The following KATNAL2 variants were observed in gnomAD, a reference collection of about 807,000 sequenced individuals.
KATNAL2 encodes katanin catalytic subunit A1 like 2.
Under a neutral mutation model 76.3 loss-of-function variants are expected in KATNAL2, and 52 were observed. The observed-to-expected ratio is 0.68, with a 90% confidence interval of 0.55 to 0.86. The LOEUF is 0.86. KATNAL2 is among the 40% of genes least tolerant of loss of function. The pLI is 0.00. For synonymous variants in KATNAL2, 243 were observed against 244.2 expected, an observed-to-expected ratio of 1.00 and a Z score of 0.05; for missense variants, 660 against 668.9, an observed-to-expected ratio of 0.99 and a Z score of 0.15.
At chr18:47,084,477 G>C in intron 15 of KATNAL2, 1 of 694,372 alleles carries the variant, frequency 1.4e-6, no homozygotes, top group African/African-American at 1.7e-5. Flanking sequence ...GAGATCTAGT[G>C]GCCTGGTATG....
At chr18:47,081,777 T>C (rs1249803197) in intron 15 of KATNAL2, among the ~76,000 whole-genome samples, 4 of 152,240 alleles carry the variant, frequency 2.6e-5, no homozygotes, top group Non-Finnish European at 5.9e-5. Context: ...AGCTCCATTT[T>C]GTACATTTTG....
intron 15 of KATNAL2, among the ~76,000 whole-genome samples, chr18:47,095,579 T>C (rs900331463): frequency 3.9e-5 from 6 of 152,236 alleles, no homozygotes; most frequent in South Asian, 2.1e-4. Context: ...TTACCCAGTC[T>C]CAAGTATTTC....
At position 46,929,900 on chromosome 18, in the gene KATNAL2, G is replaced by A. The variant is rs138555517; in HGVS notation, c.-510+11974G>A. On this transcript the variant is annotated intron_variant, in intron 1 of 17. Transcript: ENST00000683218. ...AGTGATTCTCCTGTCTCAGTCTCCC[G>A]AGTAGGTGGGATTACAGGCGCATGC... 9.0e-3 allele frequency among the ~76,000 whole-genome samples: 1,363 copies of A among 152,078 alleles called. 18 individuals carry two copies. The highest frequency in any genetic ancestry group is 0.053 in the East Asian group (275 of 5,160).
At chr18:46,922,967 C>T (rs2058615944) in intron 1 of KATNAL2, among the ~76,000 whole-genome samples, 1 of 146,368 alleles carries the variant, frequency 6.8e-6, no homozygotes, top group East Asian at 2.0e-4. Flanking sequence ...ATCCTTAGAT[C>T]TGAAGTAAAC....
At chr18:47,055,377 A>C (rs544259980) in intron 6 of KATNAL2, among the ~76,000 whole-genome samples, 1 of 152,330 alleles carries the variant, frequency 6.6e-6, no homozygotes, top group South Asian at 2.1e-4. Flanking sequence ...CATGCAACTT[A>C]TTAGGCCCTC....
intron 3 of KATNAL2, among the ~76,000 whole-genome samples, chr18:46,949,315 T>G (rs1302885154): frequency 6.6e-6 from 1 of 152,100 alleles, no homozygotes; most frequent in Non-Finnish European, 1.5e-5. Context: ...TGCAGTGGTG[T>G]GATCTCAGCT....
intron 15 of KATNAL2, chr18:47,098,245 C>T (rs2063334984): frequency 2.5e-6 from 1 of 397,056 alleles, no homozygotes. Flanking sequence ...GTGTACTAGT[C>T]CATTTTCATG....
chr18:47,061,787 A>C (rs1288068699), intron 8 of KATNAL2, among the ~76,000 whole-genome samples: 1 of 152,182 alleles, frequency 6.6e-6, no homozygotes, highest in Non-Finnish European at 1.5e-5. Context: ...GTCCCCTTTA[A>C]GTCTCATGAT....
Position 47,100,870 on chromosome 18 carries a change from C to T in KATNAL2, c.1482C>T (p.Ser494=), listed in dbSNP as rs886822895. The stretch of plus-strand genomic sequence containing the variant: ...ACTGTTGTGTTCTTATCCTAGAAAG[C>T]AGCGACTTACCCAGGATCCAGTTGG... ...FDALENHQSE[S]SDLPRIQLDI... The change falls in exon 18 of 18, where the codon AGC becomes AGT. Residue 494 remains serine, a synonymous_variant. Coordinates refer to ENST00000683218, the MANE Select transcript of KATNAL2 (RefSeq NM_001387690.1). 6.2e-7 allele frequency: 1 copy of T among 1,614,116 alleles called. No homozygotes were observed. Among genetic ancestry groups the T allele is most frequent in the Non-Finnish European group, 8.5e-7 (1 of 1,180,002 alleles).
At chr18:46,935,054 C>T (rs2059047059) in intron 1 of KATNAL2, among the ~76,000 whole-genome samples, 1 of 152,026 alleles carries the variant, frequency 6.6e-6, no homozygotes. Context: ...TGGAAACAAA[C>T]ATTTTGAGTC....
At chr18:46,918,594 G>A (rs1237605936) in intron 1 of KATNAL2, among the ~76,000 whole-genome samples, 2 of 152,172 alleles carry the variant, frequency 1.3e-5, no homozygotes, top group East Asian at 1.9e-4. Context: ...AGCTGCGATT[G>A]TATTTTTGGT....
At chr18:46,938,833 C>T (rs1355265934) in intron 1 of KATNAL2, among the ~76,000 whole-genome samples, 3 of 152,044 alleles carry the variant, frequency 2.0e-5, no homozygotes, top group African/African-American at 7.2e-5. Flanking sequence ...ATCCTTCCTC[C>T]AGTATCATTA....
At chr18:47,086,734 G>A (rs2062791578) in intron 15 of KATNAL2, among the ~76,000 whole-genome samples, 1 of 152,208 alleles carries the variant, frequency 6.6e-6, no homozygotes, top group Admixed American at 6.5e-5. Flanking sequence ...GATCTTCCAT[G>A]TGTGTTTTAC....
At chr18:46,961,280 C>A (rs1410602487) in intron 3 of KATNAL2, among the ~76,000 whole-genome samples, 1 of 117,960 alleles carries the variant, frequency 8.5e-6, no homozygotes, top group African/African-American at 3.3e-5. Context: ...GGCAAGGTGG[C>A]AGGGGCGGTG....
At chr18:46,957,418 C>T (rs1160358040) in intron 3 of KATNAL2, among the ~76,000 whole-genome samples, 2 of 151,644 alleles carry the variant, frequency 1.3e-5, no homozygotes, top group Non-Finnish European at 2.9e-5. Flanking sequence ...CCTCACCCGG[C>T]TAATTTTTTG....
chr18:47,053,597 T>G (rs967201655), intron 5 of KATNAL2, among the ~76,000 whole-genome samples: 21 of 152,210 alleles, frequency 1.4e-4, no homozygotes, highest in African/African-American at 4.6e-4. Flanking sequence ...TGCTTTGTAG[T>G]AACATTGACT....
rs144834989 is a variant in KATNAL2, at chr18:46,962,070, G to A, written c.51+15147G>A. Among the ~76,000 whole-genome samples, 8 of 152,242 alleles carry A rather than the reference G, an allele frequency of 5.3e-5. 1 individual carries two copies. The highest frequency in any genetic ancestry group is 1.9e-4 in the African/African-American group (8 of 41,514). ...AAATATAATATGAGGAAATGCATAG[G>A]CTGCTGGCACTATTTTCAGCCACTT... On this transcript the variant is annotated intron_variant, in intron 3 of 17. Coordinates refer to ENST00000683218, the MANE Select transcript of KATNAL2 (RefSeq NM_001387690.1).
intron 1 of KATNAL2, among the ~76,000 whole-genome samples, chr18:46,937,665 C>T (rs1416015263): frequency 6.6e-6 from 1 of 152,046 alleles, no homozygotes; most frequent in Admixed American, 6.6e-5. Flanking sequence ...GAAGCACTGA[C>T]CTAGAGAAAC....
At chr18:47,069,365 C>A in intron 12 of KATNAL2, 82 bp downstream of exon 12, 1 of 1,363,318 alleles carries the variant, frequency 7.3e-7, no homozygotes, top group Non-Finnish European at 1.0e-6. Flanking sequence ...CACTTCAGGA[C>A]TGGGGCACAC....
Sources: allele counts gnomAD v4.1 joint callset (sites outside exome capture counted in the v4.1 genomes callset), GRCh38; gene constraint gnomAD v4.1.1; transcripts MANE v1.5; gene names NCBI Gene and HGNC (gene_info 2026-07-23, HGNC 2026-07-21).